Variants in OPCML observed in about 807,000 individuals in gnomAD.
OPCML encodes opioid binding protein/cell adhesion molecule like, also known as opioid-binding protein/cell adhesion molecule.
In OPCML, 13 loss-of-function variants were observed where a neutral mutation model predicts 37.8. The ratio of observed to expected loss-of-function variants is 0.34; its 90% CI spans 0.22 to 0.55. The LOEUF (loss-of-function observed/expected upper bound fraction) is 0.55, where lower values mean the gene tolerates loss of function less well. OPCML is among the 20% of genes least tolerant of loss of function. The pLI is 0.91. For missense variants in OPCML, 341 were observed against 435.6 expected (o/e 0.78, Z 1.93); for synonymous variants, 176 against 168.8 (o/e 1.04, Z -0.33).
chr11:132,791,340 G>A (rs1343879659), intron 2 of OPCML, among the ~76,000 whole-genome samples: 2 of 152,158 alleles, frequency 1.3e-5, no homozygotes, highest in East Asian at 3.9e-4. Context: ...AGGCCCTAAT[G>A]TTATGAAAAC....
intron 2 of OPCML, among the ~76,000 whole-genome samples, chr11:132,754,377 A>G (rs1945958987): frequency 1.3e-5 from 2 of 152,086 alleles, no homozygotes. Context: ...GACGGTTTTT[A>G]AAAGAGGAGC....
intron 1 of OPCML, among the ~76,000 whole-genome samples, chr11:133,240,229 A>C (rs867366418): frequency 2.6e-5 from 4 of 151,394 alleles, no homozygotes; most frequent in Non-Finnish European, 5.9e-5. Context: ...AAAAAAAAAA[A>C]AAAAAACAGA....
At chr11:132,675,513 A>C (rs776170997) in intron 2 of OPCML, among the ~76,000 whole-genome samples, 58 of 152,084 alleles carry the variant, frequency 3.8e-4, no homozygotes, top group Non-Finnish European at 7.5e-4. Context: ...CTGCGAATGA[A>C]ATATCTTACA....
At chr11:132,897,331 A>G (rs1188856168) in intron 2 of OPCML, among the ~76,000 whole-genome samples, 1 of 152,162 alleles carries the variant, frequency 6.6e-6, no homozygotes, top group Non-Finnish European at 1.5e-5. Context: ...TGGGCCACCA[A>G]TTACCAGGTG....
At chr11:133,462,295 C>T (rs897126057) in intron 1 of OPCML, among the ~76,000 whole-genome samples, 2 of 151,872 alleles carry the variant, frequency 1.3e-5, no homozygotes, top group Non-Finnish European at 2.9e-5. Flanking sequence ...ATAATTTTTT[C>T]GATATGAAAC....
At chr11:132,536,369 C>T (rs1364321437) in intron 3 of OPCML, among the ~76,000 whole-genome samples, 12 of 152,172 alleles carry the variant, frequency 7.9e-5, no homozygotes, top group African/African-American at 1.7e-4. Flanking sequence ...TTTTTTCCTA[C>T]TATTTTCTGT....
In OPCML at chr11:133,229,443, A is replaced by G. The variant is rs148473138; in HGVS notation, c.62-286433T>C. Reference sequence around the variant, plus strand: ...TGAATATGTCAAAGAGAAGCTGTAAAGTACTTCCTTTAAGGGAAAAGGATT... The same window carrying G: ...TGAATATGTCAAAGAGAAGCTGTAAGGTACTTCCTTTAAGGGAAAAGGATT... On this transcript the variant is annotated intron_variant, in intron 1 of 7. Coordinates refer to ENST00000524381, the MANE Select transcript of OPCML (RefSeq NM_001012393.5). 2.0e-5 allele frequency among the ~76,000 whole-genome samples: 3 copies of G among 152,320 alleles called. No homozygotes were observed. In the East Asian group the frequency reaches 5.8e-4, roughly 29 times the overall value.
chr11:132,669,721 A>G (rs1942377512), intron 2 of OPCML, among the ~76,000 whole-genome samples: 1 of 152,206 alleles, frequency 6.6e-6, no homozygotes, highest in Non-Finnish European at 1.5e-5. Context: ...TTTTGGGTAT[A>G]GAAGAAAAGT....
intron 1 of OPCML, among the ~76,000 whole-genome samples, chr11:133,084,083 G>GGCAA (rs1043200233): frequency 1.3e-5 from 2 of 151,794 alleles, no homozygotes; most frequent in African/African-American, 4.8e-5. Context: ...TTTTTTAACT[G>GGCAA]GCAAGCGGAG....
At chr11:132,452,222 G>A (rs2096070097) in intron 4 of OPCML, among the ~76,000 whole-genome samples, 2 of 152,148 alleles carry the variant, frequency 1.3e-5, no homozygotes, top group Admixed American at 1.3e-4. Context: ...CAGTTGCTAG[G>A]CACCCAGAAG....
chr11:133,080,210 G>A (rs554619457), intron 1 of OPCML, among the ~76,000 whole-genome samples: 2 of 152,254 alleles, frequency 1.3e-5, no homozygotes, highest in African/African-American at 2.4e-5. Flanking sequence ...ATCAACCTGC[G>A]GGACTGTAGG....
At chr11:133,458,261 T>C (rs188829310) in intron 1 of OPCML, among the ~76,000 whole-genome samples, 3 of 81,400 alleles carry the variant, frequency 3.7e-5, no homozygotes, top group African/African-American at 3.6e-4. Context: ...TATATACACG[T>C]GTGTGTATAT....
At chr11:132,599,758 C>T (rs1449529815) in intron 3 of OPCML, among the ~76,000 whole-genome samples, 1 of 152,178 alleles carries the variant, frequency 6.6e-6, no homozygotes, top group African/African-American at 2.4e-5. Context: ...TAAAACTTAA[C>T]ACTATTACTA....
At chr11:132,445,573 C>T (rs1476503384) in intron 4 of OPCML, among the ~76,000 whole-genome samples, 5 of 152,170 alleles carry the variant, frequency 3.3e-5, no homozygotes, top group East Asian at 1.9e-4. Context: ...GTTCTCATCC[C>T]TGGGGGGTCA....
intron 7 of OPCML, among the ~76,000 whole-genome samples, chr11:132,423,188 C>T (rs1390914234): frequency 6.6e-6 from 1 of 152,212 alleles, no homozygotes; most frequent in Non-Finnish European, 1.5e-5. Context: ...ACTCTAGTCC[C>T]TAAAGTTTCC....
chr11:133,294,815 C>CTTTTTTTTTTTTTTTTTTTTTTTTTTTTT (rs59382534), intron 1 of OPCML, among the ~76,000 whole-genome samples: 32 of 56,560 alleles, frequency 5.7e-4, no homozygotes, highest in Non-Finnish European at 6.7e-4. Context: ...TTCTTTCTTT[C>CTTTTTTTTTTTTTTTTTTTTTTTTTTTTT]TTTTTTTTTT....
intron 1 of OPCML, chr11:133,004,147 G>A: frequency 3.0e-6 from 3 of 985,390 alleles, no homozygotes; most frequent in Non-Finnish European, 3.6e-6. Flanking sequence ...GGAGCAGGCA[G>A]CCCAGAGAGT....
At chr11:133,498,970 A>G (rs760139344) in intron 1 of OPCML, among the ~76,000 whole-genome samples, 3 of 152,188 alleles carry the variant, frequency 2.0e-5, no homozygotes, top group Non-Finnish European at 2.9e-5. Flanking sequence ...GATGACTACA[A>G]TGAGGCACAT....
At chr11:132,829,792 T>A (rs1272654991) in intron 2 of OPCML, among the ~76,000 whole-genome samples, 1 of 152,238 alleles carries the variant, frequency 6.6e-6, no homozygotes, top group African/African-American at 2.4e-5. Flanking sequence ...CTTCCTCTTT[T>A]AGAATTAAAG....
Sources: allele counts gnomAD v4.1 joint callset (sites outside exome capture counted in the v4.1 genomes callset), GRCh38; gene constraint gnomAD v4.1.1; transcripts MANE v1.5; gene names NCBI Gene and HGNC (gene_info 2026-07-23, HGNC 2026-07-21).